SETD3: variants seen among roughly 807,000 people sequenced by gnomAD.
The protein encoded by SETD3 is SET domain containing 3, actin N3(tau)-histidine methyltransferase, also known as actin-histidine N-methyltransferase.
Under a neutral mutation model 63.0 loss-of-function variants are expected in SETD3, and 19 were observed. That is an observed-to-expected ratio of 0.30 (90% confidence interval 0.21 to 0.44). SETD3 has a LOEUF of 0.44. SETD3 is among the 20% of genes least tolerant of loss of function. The probability of loss-of-function intolerance (pLI) is 1.00; values close to 1 mark genes in which losing one functional copy is unlikely to be tolerated. For missense variants in SETD3, 587 were observed against 728.5 expected (o/e 0.81, Z 2.24); for synonymous variants, 286 against 264.1 (o/e 1.08, Z -0.80).
At chr14:99,454,185 T>C (rs1894622484) in intron 6 of SETD3, among the ~76,000 whole-genome samples, 1 of 152,120 alleles carries the variant, frequency 6.6e-6, no homozygotes, top group Admixed American at 6.5e-5. Context: ...ACATGAATCT[T>C]GGGAGCAAAT....
intron 11 of SETD3, among the ~76,000 whole-genome samples, chr14:99,403,671 T>G (rs1436588876): frequency 6.6e-6 from 1 of 152,212 alleles, no homozygotes; most frequent in Non-Finnish European, 1.5e-5. Context: ...GGGCATGAAA[T>G]AAGAGGCTGT....
chr14:99,476,877 T>G (rs1895999377), intron 1 of SETD3, among the ~76,000 whole-genome samples: 1 of 152,222 alleles, frequency 6.6e-6, no homozygotes, highest in South Asian at 2.1e-4. Context: ...GTATCATATA[T>G]TTTTGTCAAT....
chr14:99,447,272 CCATTT>C (rs1412689144), intron 6 of SETD3, among the ~76,000 whole-genome samples: 2 of 152,192 alleles, frequency 1.3e-5, no homozygotes, highest in Non-Finnish European at 2.9e-5. Context: ...TGTGCCCAGC[CCATTT>C]CATTTCTTCA....
chr14:99,456,194 TA>T (rs1271625886), intron 6 of SETD3, among the ~76,000 whole-genome samples: 1 of 152,192 alleles, frequency 6.6e-6, no homozygotes, highest in Non-Finnish European at 1.5e-5. Context: ...TAAAAGAACT[TA>T]TATGTGTGAC....
chr14:99,433,191 T>C (rs991756016), intron 6 of SETD3, among the ~76,000 whole-genome samples: 1 of 152,050 alleles, frequency 6.6e-6, no homozygotes, highest in African/African-American at 2.4e-5. Context: ...TTTTCTATGG[T>C]GGTGATGGTT....
At chr14:99,434,859 A>AC (rs1341552532) in intron 6 of SETD3, among the ~76,000 whole-genome samples, 2 of 148,218 alleles carry the variant, frequency 1.3e-5, no homozygotes, top group South Asian at 2.1e-4. Context: ...AAAAAAAAAA[A>AC]AAAAAAAAAA....
rs1891621143 is a variant in SETD3, at chr14:99,405,304, T to C, written c.992A>G (p.Asn331Ser). ...FVIHSGFFFD[N>S]NSHDRVKIKL... Reference sequence around the variant, plus strand: ...TATTTTCACTCTGTCGTGTGAGTTATTGTCAAAGAAAAAACCACTGTGGAT... The same window carrying C: ...TATTTTCACTCTGTCGTGTGAGTTACTGTCAAAGAAAAAACCACTGTGGAT... Residue 331 changes from asparagine to serine, a missense_variant, in exon 10 of 13, where the codon AAT becomes AGT. Asn to Ser is a conservative substitution (Grantham distance 46). Transcript: ENST00000331768. 1.2e-6 allele frequency: 2 copies of C among 1,614,032 alleles called. No homozygotes were observed. The highest frequency in any genetic ancestry group is 1.7e-5 in the Admixed American group (1 of 60,004).
intron 2 of SETD3, among the ~76,000 whole-genome samples, chr14:99,464,359 C>T (rs1895248804): frequency 6.6e-6 from 1 of 152,216 alleles, no homozygotes; most frequent in South Asian, 2.1e-4. Context: ...GTATATGTGG[C>T]AAATAACTAA....
At chr14:99,415,368 T>C (rs1234943214) in intron 6 of SETD3, among the ~76,000 whole-genome samples, 2 of 152,210 alleles carry the variant, frequency 1.3e-5, no homozygotes, top group African/African-American at 4.8e-5. Flanking sequence ...GATGACAATA[T>C]TCAAAACTGG....
In SETD3 at chr14:99,398,996, G is replaced by T. The variant is rs137957044; in HGVS notation, c.1468C>A (p.Arg490Ser). The T allele has an allele frequency of 6.2e-7, 1 of 1,614,172 alleles. No individual in the cohort carries two copies. Residue 490 changes from arginine (R) to serine (S), a missense_variant, in exon 13 of 13, where the codon CGC (arginine) becomes AGC (serine). By Grantham distance (110) the Arg-to-Ser change is moderately radical. Coordinates refer to ENST00000331768, the MANE Select transcript of SETD3 (RefSeq NM_032233.3). Reference protein sequence around the residue: ...KSAAVNREYYRQQMEEKAPLP... With the variant: ...KSAAVNREYYSQQMEEKAPLP... The stretch of plus-strand genomic sequence containing the variant: ...GGAGCCTTTTCCTCCATCTGTTGGC[G>T]ATAGTATTCCCGGTTGACAGCTGCA...
chr14:99,439,990 G>A (rs1237764640), intron 6 of SETD3, among the ~76,000 whole-genome samples: 1 of 151,126 alleles, frequency 6.6e-6, no homozygotes, highest in Non-Finnish European at 1.5e-5. Context: ...ACAGGGTTTC[G>A]CCATGTTGGG....
upstream of SETD3, among the ~76,000 whole-genome samples, chr14:99,482,778 T>C (rs571588169): frequency 2.8e-4 from 42 of 152,352 alleles, no homozygotes; most frequent in Non-Finnish European, 4.6e-4. Flanking sequence ...TAAAATTGAA[T>C]GTCATAAAGA....
intron 6 of SETD3, among the ~76,000 whole-genome samples, chr14:99,443,755 G>C (rs1277204466): frequency 6.6e-6 from 1 of 152,178 alleles, no homozygotes; most frequent in Non-Finnish European, 1.5e-5. Flanking sequence ...TGACTCTCTT[G>C]CTCTAAAAAC....
At chr14:99,405,942 A>C (rs1891656250) in intron 9 of SETD3, among the ~76,000 whole-genome samples, 1 of 152,204 alleles carries the variant, frequency 6.6e-6, no homozygotes, top group Non-Finnish European at 1.5e-5. Flanking sequence ...CTGGAATGTC[A>C]ATTATGGATG....
chr14:99,446,462 G>A (rs1161427537), intron 6 of SETD3, among the ~76,000 whole-genome samples: 1 of 152,036 alleles, frequency 6.6e-6, no homozygotes, highest in African/African-American at 2.4e-5. Context: ...GCCCACAGCG[G>A]GCATTGCCTA....
intron 6 of SETD3, among the ~76,000 whole-genome samples, chr14:99,445,033 A>T (rs113006932): frequency 9.8e-4 from 150 of 152,334 alleles, no homozygotes; most frequent in Admixed American, 5.0e-3. Context: ...AGCAAAAAAT[A>T]TTCAAAAACA....
At chr14:99,483,488 T>C (rs1012721949), upstream of SETD3, among the ~76,000 whole-genome samples, 25 of 152,194 alleles carry the variant, frequency 1.6e-4, no homozygotes, top group African/African-American at 5.3e-4. Flanking sequence ...AGATCAAGGC[T>C]GCAGTGAGCC....
At chr14:99,483,930 A>G (rs1896418849), upstream of SETD3, among the ~76,000 whole-genome samples, 1 of 152,274 alleles carries the variant, frequency 6.6e-6, no homozygotes, top group Non-Finnish European at 1.5e-5. Flanking sequence ...TGTAGTGATA[A>G]TGAGCAAATT....
chr14:99,465,689 A>C lies in SETD3; in HGVS notation c.103+14T>G, dbSNP rs772822739. The C allele has an allele frequency of 6.2e-7, 1 of 1,606,410 alleles. No homozygotes were observed. Among genetic ancestry groups the C allele is most frequent in the Non-Finnish European group, 8.5e-7 (1 of 1,173,338 alleles). On this transcript the variant is annotated intron_variant, in intron 2 of 12. Transcript: ENST00000331768. ...CACCACATCAAGGCAGGGAGAGCCC[A>C]GAGGAGGACTTACTCTGCAGCAGCT...
Sources: allele counts gnomAD v4.1 joint callset (sites outside exome capture counted in the v4.1 genomes callset), GRCh38; gene constraint gnomAD v4.1.1; transcripts MANE v1.5; gene names NCBI Gene and HGNC (gene_info 2026-07-23, HGNC 2026-07-21).